STXBP4: variants seen among roughly 807,000 people sequenced by gnomAD.
The protein encoded by STXBP4 is syntaxin binding protein 4.
STXBP4 carries 55 observed loss-of-function variants against 76.1 expected under a neutral mutation model. The observed-to-expected ratio is 0.72, with a 90% CI of 0.58 to 0.91. The LOEUF (loss-of-function observed/expected upper bound fraction) is 0.91, where lower values mean the gene tolerates loss of function less well. Among genes scored for constraint, STXBP4 ranks in the 40% least tolerant of loss-of-function variants. STXBP4 has a pLI of 0.00. For missense variants in STXBP4, 618 were observed against 636.9 expected (o/e 0.97, Z 0.32); for synonymous variants, 201 against 220.2 (o/e 0.91, Z 0.77).
intron 16 of STXBP4, among the ~76,000 whole-genome samples, chr17:55,117,052 TTTACTC>T (rs2079788882): frequency 6.6e-6 from 1 of 151,876 alleles, no homozygotes; most frequent in Admixed American, 6.6e-5. Context: ...TATTTAAAGA[TTTACTC>T]TTAAGTTTTT....
chr17:55,054,435 G>A (rs1307862497), intron 12 of STXBP4, among the ~76,000 whole-genome samples: 1 of 151,934 alleles, frequency 6.6e-6, no homozygotes. Flanking sequence ...GCTGCAGTGA[G>A]CTGAGACTAC....
At chr17:55,078,536 A>G (rs112907407) in intron 14 of STXBP4, 150 bp from the exon 15 acceptor site, 1 of 584,862 alleles carries the variant, frequency 1.7e-6, no homozygotes, top group Non-Finnish European at 3.0e-6. Context: ...GTAAAACTGC[A>G]TGTTAGTTCA....
chr17:55,051,068 G>A (rs1023366953), intron 12 of STXBP4, among the ~76,000 whole-genome samples: 1 of 152,112 alleles, frequency 6.6e-6, no homozygotes, highest in Non-Finnish European at 1.5e-5. Context: ...AATCAAAGGA[G>A]GGATAAACTA....
chr17:55,059,862 T>C (rs1689081475), intron 12 of STXBP4, among the ~76,000 whole-genome samples: 1 of 152,072 alleles, frequency 6.6e-6, no homozygotes, highest in Non-Finnish European at 1.5e-5. Flanking sequence ...GAAGACACCA[T>C]GAGGATAAAG....
At chr17:55,149,713 G>C (rs2080193657) in intron 17 of STXBP4, among the ~76,000 whole-genome samples, 1 of 152,210 alleles carries the variant, frequency 6.6e-6, no homozygotes, top group Admixed American at 6.5e-5. Flanking sequence ...AAAGCCCTGT[G>C]ATAGGAGCAG....
At chr17:55,142,096 TC>T (rs1431603103) in intron 17 of STXBP4, among the ~76,000 whole-genome samples, 1 of 152,178 alleles carries the variant, frequency 6.6e-6, no homozygotes, top group Non-Finnish European at 1.5e-5. Context: ...GTCAAAGTCT[TC>T]TGACCGCAAG....
At chr17:55,185,254 T>TCTTCTTCTTCTTCTC in the STXBP4 span, among the ~76,000 whole-genome samples, 3 of 50,516 alleles carry the variant, frequency 5.9e-5, no homozygotes, top group African/African-American at 2.9e-4. Context: ...TTCTTCTCCT[T>TCTTCTTCTTCTTCTC]CTCCTTCTCC....
chr17:55,194,895 C>G, the STXBP4 span, among the ~76,000 whole-genome samples: 1 of 152,080 alleles, frequency 6.6e-6, no homozygotes, highest in Non-Finnish European at 1.5e-5. Context: ...AGTGGAAGAG[C>G]CAGGGTAATG....
intron 12 of STXBP4, among the ~76,000 whole-genome samples, chr17:55,052,987 T>TA (rs71361753): frequency 0.2 from 27,143 of 133,764 alleles, 3,106 homozygotes; most frequent in Middle Eastern, 0.35. Context: ...GCTATTTTCT[T>TA]AAAAAAAAAA....
At chr17:55,005,606 CCTT>C (rs1420753170) in intron 7 of STXBP4, among the ~76,000 whole-genome samples, 1 of 152,150 alleles carries the variant, frequency 6.6e-6, no homozygotes, top group East Asian at 1.9e-4. Context: ...TCCTGTCTCA[CCTT>C]CTCTCATTCT....
chr17:55,086,523 T>G (rs2079332602), intron 16 of STXBP4, among the ~76,000 whole-genome samples: 1 of 152,154 alleles, frequency 6.6e-6, no homozygotes, highest in South Asian at 2.1e-4. Flanking sequence ...TTTTTATCCT[T>G]TAACAAATCT....
In STXBP4 at chr17:55,070,468, A is replaced by G. The variant is rs145939672; in HGVS notation, c.1012-2432A>G. 9.5e-4 allele frequency among the ~76,000 whole-genome samples: 144 copies of G among 152,308 alleles called. No homozygotes were observed. The East Asian group carries it at 0.021, about 22-fold the overall frequency. On this transcript the variant is annotated intron_variant, in intron 12 of 17. Transcript: ENST00000376352. ...CCTTTTCCAGATATTTCTTTCTAAA[A>G]GTATTCTTTTATTATAAAACAATTA...
intron 10 of STXBP4, among the ~76,000 whole-genome samples, chr17:55,038,969 T>A (rs1207616626): frequency 6.6e-6 from 1 of 152,184 alleles, no homozygotes; most frequent in Non-Finnish European, 1.5e-5. Context: ...TCATAGTATG[T>A]ATCATATTTC....
At chr17:55,122,580 G>T (rs75883977) in intron 16 of STXBP4, among the ~76,000 whole-genome samples, 3,124 of 152,286 alleles carry the variant, frequency 0.021, 74 homozygotes, top group African/African-American at 0.056. Flanking sequence ...CTTTATATCA[G>T]ATATGGCTAT....
At chr17:55,187,261 G>T in the STXBP4 span, among the ~76,000 whole-genome samples, 4 of 152,158 alleles carry the variant, frequency 2.6e-5, no homozygotes, top group Non-Finnish European at 5.9e-5. Flanking sequence ...TGTATATGCA[G>T]AAACCTTGCC....
In STXBP4 at chr17:55,162,549, G is replaced by A. The variant is rs2080345792; in HGVS notation, c.*2638G>A. On this transcript the variant is annotated 3_prime_UTR_variant, in exon 18 of 18. Coordinates refer to ENST00000376352, the MANE Select transcript of STXBP4 (RefSeq NM_178509.6). ...GTAGAACAATTGCTAATCATTTCCT[G>A]GGTTCCACTTACTCTTGATTTAAAA... 7.0e-6 allele frequency: 1 copy of A among 142,306 alleles called. No homozygotes were observed. The allele number at this position is 142,306 out of a possible 1,614,324, so 8.8% of individuals were successfully genotyped here. A position where few individuals can be genotyped will look rare whatever the true frequency, so the allele number is the denominator to read the frequency against.
intron 11 of STXBP4, among the ~76,000 whole-genome samples, chr17:55,045,334 T>C (rs528662609): frequency 2.0e-5 from 3 of 152,132 alleles, no homozygotes; most frequent in Non-Finnish European, 2.9e-5. Flanking sequence ...GACAATGATT[T>C]CCTTATATTC....
At chr17:54,973,129 A>C (rs1024292504) in intron 1 of STXBP4, among the ~76,000 whole-genome samples, 19 of 152,196 alleles carry the variant, frequency 1.2e-4, no homozygotes, top group African/African-American at 4.6e-4. Flanking sequence ...CCTTTCACCT[A>C]CCCTTTTCCC....
chr17:55,072,612 C>T, intron 12 of STXBP4, among the ~76,000 whole-genome samples: 1 of 152,134 alleles, frequency 6.6e-6, no homozygotes, highest in East Asian at 1.9e-4. Context: ...TCTTATTCTT[C>T]TGTTTTCCAT....
Sources: allele counts gnomAD v4.1 joint callset (sites outside exome capture counted in the v4.1 genomes callset), GRCh38; gene constraint gnomAD v4.1.1; transcripts MANE v1.5; gene names NCBI Gene and HGNC (gene_info 2026-07-23, HGNC 2026-07-21).